ZFPM2: variants seen among roughly 807,000 people sequenced by gnomAD.
ZFPM2 encodes zinc finger protein ZFPM2.
ZFPM2 carries 20 observed loss-of-function variants against 98.6 expected under a neutral mutation model. That is an observed-to-expected ratio of 0.20 (90% CI 0.14 to 0.29). ZFPM2 has a LOEUF of 0.29. ZFPM2 is among the 10% of genes least tolerant of loss of function. The pLI is 1.00. For synonymous variants in ZFPM2, 518 were observed against 502.7 expected (o/e 1.03, Z -0.41); for missense variants, 1,310 against 1,388.6 (o/e 0.94, Z 0.90).
chr8:105,589,527 T>C (rs1815798248), intron 4 of ZFPM2, among the ~76,000 whole-genome samples: 1 of 152,208 alleles, frequency 6.6e-6, no homozygotes, highest in African/African-American at 2.4e-5. Context: ...GTTCAAGAGA[T>C]GTTTGTGGCA....
chr8:105,781,485 C>CTGAA (rs1359458269), intron 5 of ZFPM2, among the ~76,000 whole-genome samples: 1 of 152,102 alleles, frequency 6.6e-6, no homozygotes, highest in Admixed American at 6.5e-5. Flanking sequence ...CTTTGGGAGG[C>CTGAA]TGAAGCAGGA....
intron 4 of ZFPM2, among the ~76,000 whole-genome samples, chr8:105,599,141 G>T (rs1029904775): frequency 6.6e-6 from 1 of 151,928 alleles, no homozygotes; most frequent in Non-Finnish European, 1.5e-5. Context: ...AAAATTAAAA[G>T]GCCACCTTGC....
rs78924081 is a variant in ZFPM2 at position 105,618,475 on chromosome 8, G to T, written c.421-15771G>T. 5.9e-3 allele frequency among the ~76,000 whole-genome samples: 893 copies of T among 151,986 alleles called. 6 individuals carry two copies. The highest frequency in any genetic ancestry group is 0.017 in the African/African-American group (723 of 41,446). On this transcript the variant is annotated intron_variant, in intron 4 of 7. Coordinates refer to ENST00000407775, the MANE Select transcript of ZFPM2 (RefSeq NM_012082.4). ...ACCTAGAATTTTAGTACTTCATTAT[G>T]GCTTAATAAAATCTTATAGATCATA... is the stretch of plus-strand genomic sequence containing the variant.
intron 4 of ZFPM2, among the ~76,000 whole-genome samples, chr8:105,565,807 G>A (rs1423455365): frequency 6.6e-6 from 1 of 152,142 alleles, no homozygotes; most frequent in African/African-American, 2.4e-5. Flanking sequence ...TGGCGTTAGG[G>A]GATTTTTACA....
chr8:105,657,948 A>G (rs1817316727), intron 5 of ZFPM2, among the ~76,000 whole-genome samples: 2 of 152,188 alleles, frequency 1.3e-5, no homozygotes, highest in Non-Finnish European at 2.9e-5. Flanking sequence ...ATTTATTTTG[A>G]AAATCACTAA....
chr8:105,423,844 G>A (rs1243121499), intron 2 of ZFPM2, among the ~76,000 whole-genome samples: 1 of 152,164 alleles, frequency 6.6e-6, no homozygotes, highest in Non-Finnish European at 1.5e-5. Context: ...GTTTCAGAGT[G>A]GGATTGGCGT....
intron 1 of ZFPM2, chr8:105,418,660 C>T (rs1811731285): frequency 7.8e-6 from 4 of 512,286 alleles, no homozygotes; most frequent in South Asian, 2.9e-5. Context: ...TCTCAGAATC[C>T]ACTCTTAAGA....
At chr8:105,576,738 T>A (rs1408205176) in intron 4 of ZFPM2, among the ~76,000 whole-genome samples, 1 of 152,196 alleles carries the variant, frequency 6.6e-6, no homozygotes, top group Admixed American at 6.5e-5. Flanking sequence ...TATTTTTATA[T>A]GGTCATTTAT....
chr8:105,607,167 G>A (rs1340683901), intron 4 of ZFPM2, among the ~76,000 whole-genome samples: 1 of 151,992 alleles, frequency 6.6e-6, no homozygotes, highest in Non-Finnish European at 1.5e-5. Context: ...TTACAGAATT[G>A]GCTTACAAAT....
chr8:105,422,779 GATAAAC>G (rs1320631640), intron 2 of ZFPM2, among the ~76,000 whole-genome samples: 1 of 152,034 alleles, frequency 6.6e-6, no homozygotes, highest in Non-Finnish European at 1.5e-5. Context: ...GCATACTGAG[GATAAAC>G]ATAGAGTTAC....
chr8:105,689,685 A>G (rs1194060577), intron 5 of ZFPM2, among the ~76,000 whole-genome samples: 1 of 152,198 alleles, frequency 6.6e-6, no homozygotes, highest in African/African-American at 2.4e-5. Context: ...AGTGGTGATG[A>G]TGATGATGAT....
At chr8:105,779,591 C>A (rs969678370) in intron 5 of ZFPM2, among the ~76,000 whole-genome samples, 16 of 152,100 alleles carry the variant, frequency 1.1e-4, no homozygotes, top group Non-Finnish European at 2.1e-4. Context: ...TATGGTCGAA[C>A]AATATAATTG....
At chr8:105,369,261 C>A (rs1198744111) in intron 1 of ZFPM2, among the ~76,000 whole-genome samples, 1 of 151,994 alleles carries the variant, frequency 6.6e-6, no homozygotes, top group African/African-American at 2.4e-5. Flanking sequence ...AGACAATTAT[C>A]CTGACGTGAA....
intron 5 of ZFPM2, among the ~76,000 whole-genome samples, chr8:105,687,846 A>C (rs954726322): frequency 6.6e-6 from 1 of 152,084 alleles, no homozygotes; most frequent in Non-Finnish European, 1.5e-5. Context: ...AGGAACATAA[A>C]AAGAACACAT....
rs1234320472 is a variant in ZFPM2 at position 105,798,717 on chromosome 8, C to T, written c.740-7C>T. Reference sequence around the variant, plus strand: ...AGCAAATGTGTCTCTTGTGTTTTTACCTGCAGAGGATATATTCCCTTGCAA... The same window carrying T: ...AGCAAATGTGTCTCTTGTGTTTTTATCTGCAGAGGATATATTCCCTTGCAA... On this transcript the variant is annotated splice_polypyrimidine_tract_variant and splice_region_variant and intron_variant, in intron 6 of 7. Transcript: ENST00000407775. 6.2e-7 allele frequency: 1 copy of T among 1,609,130 alleles called. No homozygotes were observed. The highest frequency in any genetic ancestry group is 1.7e-5 in the Admixed American group (1 of 59,410).
intron 3 of ZFPM2, among the ~76,000 whole-genome samples, chr8:105,496,285 T>G (rs1469272778): frequency 6.6e-6 from 1 of 152,098 alleles, no homozygotes; most frequent in East Asian, 1.9e-4. Context: ...GTGCTGGGAT[T>G]ATGGGCCTGA....
intron 6 of ZFPM2, among the ~76,000 whole-genome samples, chr8:105,792,184 A>G (rs7824589): frequency 0.17 from 25,227 of 151,818 alleles, 3,673 homozygotes; most frequent in African/African-American, 0.39. Context: ...GTGATGTTAG[A>G]GTGTCAATTT....
chr8:105,683,122 G>C (rs898290891), intron 5 of ZFPM2, among the ~76,000 whole-genome samples: 21 of 152,064 alleles, frequency 1.4e-4, no homozygotes, highest in Admixed American at 4.6e-4. Context: ...CTGTCCTCAT[G>C]AGTTAATCCC....
intron 1 of ZFPM2, among the ~76,000 whole-genome samples, chr8:105,407,235 G>C (rs1315245564): frequency 6.6e-6 from 1 of 151,214 alleles, no homozygotes; most frequent in Non-Finnish European, 1.5e-5. Flanking sequence ...TTTAAACAGT[G>C]GCAGGGAAAT....
Sources: allele counts gnomAD v4.1 joint callset (sites outside exome capture counted in the v4.1 genomes callset), GRCh38; gene constraint gnomAD v4.1.1; transcripts MANE v1.5; gene names NCBI Gene and HGNC (gene_info 2026-07-23, HGNC 2026-07-21).